PXMP2: variants seen among roughly 807,000 people sequenced by gnomAD.
PXMP2 encodes 22 kDa peroxisomal membrane protein.
A neutral mutation model predicts 20.2 loss-of-function variants in PXMP2; 13 were observed. That is an observed-to-expected ratio of 0.64 (90% CI 0.42 to 1.02). PXMP2 has a LOEUF of 1.02. PXMP2 is among the 50% of genes least tolerant of loss of function. The pLI is 0.00. For synonymous variants in PXMP2, 113 were observed against 111.2 expected, an observed-to-expected ratio of 1.02 and a Z score of -0.10; for missense variants, 284 against 251.8, an observed-to-expected ratio of 1.13 and a Z score of -0.87.
At chr12:132,695,767 A>T in intron 2 of PXMP2, 117 bp from the exon 3 acceptor site, 1 of 1,111,952 alleles carries the variant, frequency 9.0e-7, no homozygotes, top group Non-Finnish European at 1.3e-6. Flanking sequence ...CTGTGTGGCC[A>T]ATACTGAGGG....
At chr12:132,688,396 G>A (rs1245346158) in intron 1 of PXMP2, among the ~76,000 whole-genome samples, 3 of 42,924 alleles carry the variant, frequency 7.0e-5, no homozygotes, top group East Asian at 5.5e-4. Flanking sequence ...TCTGCGGGGC[G>A]CGGGTGAAGA....
rs201652608 is a variant in PXMP2 at position 132,695,032 on chromosome 12, T to G, written c.237-852T>G. ...TCCCTTAGCCAGTTAGTTAGTGAGC[T>G]CCCTTAGCCAGTTAGTTAGTGAGTG... On this transcript the variant is annotated intron_variant, in intron 2 of 4. Transcript: ENST00000317479. 2.8e-3 allele frequency among the ~76,000 whole-genome samples: 388 copies of G among 136,326 alleles called. 2 individuals carry two copies. The highest frequency in any genetic ancestry group is 0.01 in the African/African-American group (366 of 35,674). 89.4% of individuals were successfully genotyped at this position (136,326 alleles called of 152,430 possible). A position where few individuals can be genotyped will look rare whatever the true frequency, so the allele number is the denominator to read the frequency against.
chr12:132,699,959 G>T (rs1003823078), intron 3 of PXMP2, among the ~76,000 whole-genome samples: 2 of 151,944 alleles, frequency 1.3e-5, no homozygotes, highest in Non-Finnish European at 2.9e-5. Flanking sequence ...TTCCAGAAGG[G>T]CTGTACTAAT....
Position 132,687,601 on chromosome 12 carries a change from GCCT to G in PXMP2, c.-68_-66del. 1 of 1,167,884 alleles carries G rather than the reference GCCT, an allele frequency of 8.6e-7. No individual in the cohort carries two copies. The highest frequency in any genetic ancestry group is 1.6e-5 in the African/African-American group (1 of 62,576). 72.3% of individuals were successfully genotyped at this position (1,167,884 alleles called of 1,614,324 possible). ...AGGCGGTCCCCACTCCGCTCTCGGCGCCTCGGGCTCCGCGCCCGGCCAGCCTGA... is the reference window on the plus strand; with the variant it reads ...AGGCGGTCCCCACTCCGCTCTCGGCGCGGGCTCCGCGCCCGGCCAGCCTGA... On this transcript the variant is annotated 5_prime_UTR_variant, in exon 1 of 5. Coordinates refer to ENST00000317479, the MANE Select transcript of PXMP2 (RefSeq NM_018663.3).
chr12:132,690,132 C>T (rs778013963), intron 1 of PXMP2, 131 bp from the exon 2 acceptor site: 11 of 686,756 alleles, frequency 1.6e-5, no homozygotes, highest in Admixed American at 2.5e-5. Context: ...ACATTGCAGC[C>T]GCTTTAACAA....
intron 3 of PXMP2, among the ~76,000 whole-genome samples, chr12:132,698,981 T>A (rs2043424602): frequency 6.6e-6 from 1 of 152,212 alleles, no homozygotes; most frequent in Non-Finnish European, 1.5e-5. Flanking sequence ...TGTATATATT[T>A]AGAGGGTACG....
rs538486470 is a variant in PXMP2 at position 132,691,526 on chromosome 12, G to T, written c.236+1150G>T. 2.0e-5 allele frequency among the ~76,000 whole-genome samples: 3 copies of T among 152,308 alleles called. No homozygotes were observed. The South Asian group carries it at 6.2e-4, about 32-fold the overall frequency. On this transcript the variant is annotated intron_variant, in intron 2 of 4. Transcript: ENST00000317479. ...ATGTGAAGTATTTTCCAACTACAGT[G>T]ATGTTTTCTTTAATTCAGAATTCCT... is the stretch of plus-strand genomic sequence containing the variant.
intron 1 of PXMP2, among the ~76,000 whole-genome samples, chr12:132,689,359 G>C (rs1421340552): frequency 6.6e-6 from 1 of 152,184 alleles, no homozygotes; most frequent in East Asian, 1.9e-4. Context: ...ACATTGAACA[G>C]GCTGTGTAAA....
chr12:132,699,596 T>C (rs760238860), intron 3 of PXMP2, among the ~76,000 whole-genome samples: 1 of 142,790 alleles, frequency 7.0e-6, no homozygotes, highest in African/African-American at 2.6e-5. Flanking sequence ...AGTGGCGCAA[T>C]CTCATCTCAC....
intron 1 of PXMP2, among the ~76,000 whole-genome samples, chr12:132,688,502 G>T (rs2043336641): frequency 1.3e-4 from 2 of 15,528 alleles, no homozygotes; most frequent in Admixed American, 1.1e-3. Flanking sequence ...AAGGGAGCGG[G>T]TCTGCGGGGC....
chr12:132,701,133 A>T, intron 3 of PXMP2, 117 bp from the exon 4 acceptor site: 2 of 1,401,060 alleles, frequency 1.4e-6, no homozygotes, highest in Non-Finnish European at 2.0e-6. Context: ...CTGTCTGCGT[A>T]CACACAGAAC....
intron 2 of PXMP2, among the ~76,000 whole-genome samples, chr12:132,691,958 GCCCTTGCCAGTTAGTTAGTGAGCT>G (rs1394076003): frequency 1.3e-5 from 2 of 152,136 alleles, no homozygotes; most frequent in East Asian, 1.9e-4. Flanking sequence ...ACCAGGTCCT[GCCCTTGCCAGTTAGTTAGTGAGCT>G]CCCTTGCCAG....
chr12:132,696,071 T>C lies in PXMP2; in HGVS notation c.399+25T>C. 1 of 1,574,564 alleles carries C rather than the reference T, an allele frequency of 6.4e-7. No homozygotes were observed. Among genetic ancestry groups the C allele is most frequent in the Non-Finnish European group, 8.7e-7 (1 of 1,154,628 alleles). On this transcript the variant is annotated intron_variant, in intron 3 of 4. Coordinates refer to ENST00000317479, the MANE Select transcript of PXMP2 (RefSeq NM_018663.3). This position sits in a 1 kb window ranked among gnomAD's most constrained non-coding sequence, Gnocchi z 4.4. The stretch of plus-strand genomic sequence containing the variant: ...GGTGGGTGTCTGCCACAGCACTTAC[T>C]GCAGCTCTTCGTTTAGCACAGGGAT...
chr12:132,687,804 C>T lies in PXMP2; in HGVS notation c.122+12C>T. 1 of 1,144,966 alleles carries T rather than the reference C, an allele frequency of 8.7e-7. No individual in the cohort carries two copies. The highest frequency in any genetic ancestry group is 1.1e-6 in the Non-Finnish European group (1 of 932,680). The allele number at this position is 1,144,966 out of a possible 1,614,324, so 70.9% of individuals were successfully genotyped here. A position where few individuals can be genotyped will look rare whatever the true frequency, so the allele number is the denominator to read the frequency against. ...AAGGCGGCCACCAGGTGAGCGGGGG[C>T]GCGGGAATCGGACGCCGCCCCGGCC... On this transcript the variant is annotated intron_variant, in intron 1 of 4. Coordinates refer to ENST00000317479, the MANE Select transcript of PXMP2 (RefSeq NM_018663.3).
intron 2 of PXMP2, among the ~76,000 whole-genome samples, chr12:132,692,368 T>G (rs202104171): frequency 0.15 from 8,470 of 57,232 alleles, 660 homozygotes; most frequent in Non-Finnish European, 0.2. Context: ...GTTAGTGAGC[T>G]CCCTTGCCAG....
At chr12:132,701,453 T>TCCCTCCCC (rs2043441285) in intron 4 of PXMP2, 84 bp downstream of exon 4, 1 of 1,443,090 alleles carries the variant, frequency 6.9e-7, no homozygotes, top group Non-Finnish European at 9.2e-7. Flanking sequence ...CCTCCCCCCC[T>TCCCTCCCC]CCCTCCCCTC....
At chr12:132,701,097 G>A (rs1256204763) in intron 3 of PXMP2, among the ~76,000 whole-genome samples, 153 bp from the exon 4 acceptor site, 1 of 152,106 alleles carries the variant, frequency 6.6e-6, no homozygotes, top group Admixed American at 6.6e-5. Flanking sequence ...GCTCCTTAGA[G>A]CCGCAGTGCT....
chr12:132,695,884 GTTC>G lies in PXMP2; in HGVS notation c.244_246del (p.Phe82del), dbSNP rs1211239159. The stretch of plus-strand genomic sequence containing the variant: ...GGCTCACACCCCCTGGGGGCCTCAG[GTTC>G]TTCTTCACAGGGCCGCTGAGTCACT... On this transcript the variant is annotated inframe_deletion and splice_region_variant, in exon 3 of 5. Transcript: ENST00000317479. 13 of 1,603,526 alleles carry G rather than the reference GTTC, an allele frequency of 8.1e-6. No individual in the cohort carries two copies. Among genetic ancestry groups the G allele is most frequent in the Admixed American group, 1.7e-5 (1 of 58,858 alleles).
Position 132,696,577 on chromosome 12 carries a change from C to T in PXMP2, c.399+531C>T, listed in dbSNP as rs1344302084. 6.6e-6 allele frequency among the ~76,000 whole-genome samples: 1 copy of T among 151,712 alleles called. No homozygotes were observed. Among genetic ancestry groups the T allele is most frequent in the Non-Finnish European group, 1.5e-5 (1 of 67,914 alleles). On this transcript the variant is annotated intron_variant, in intron 3 of 4. Transcript: ENST00000317479. The surrounding 1 kb of genome is among the most constrained non-coding windows in gnomAD (Gnocchi z 4.4). ...CTTTGGGAGGGCGAGGCGGGTGGAT[C>T]ACCTGAGGTCAGGAGTTCGAGACCA...
Sources: gnomAD v4.1 joint callset for allele counts (sites outside exome capture counted in the v4.1 genomes callset) on GRCh38, gnomAD v4.1.1 for gene constraint, Gnocchi (gnomAD v3.1) non-coding constraint, MANE v1.5 for transcripts, NCBI Gene and HGNC (gene_info 2026-07-23, HGNC 2026-07-21) for gene names.